The following MIR2052HG variants were observed in gnomAD, a reference collection of about 807,000 sequenced individuals.
MIR2052HG encodes the protein MIR2052 host gene.
At position 74,689,958 on chromosome 8, in the gene MIR2052HG, A is replaced by G. The variant is rs140789349; in HGVS notation, n.217-12421A>G. ...AAAGAGCCTTCACTATGGGCCAGAC[A>G]TGTAAGAACCAGAGATAGAAAACCC... On this transcript the variant is annotated intron_variant and non_coding_transcript_variant, in intron 2 of 6. Transcript: ENST00000523442. Among the ~76,000 whole-genome samples the G allele has an allele frequency of 4.6e-3, 697 of 152,312 alleles. 15 individuals are homozygous for G. The highest frequency in any genetic ancestry group is 0.032 in the Admixed American group (489 of 15,296).
At chr8:74,660,760 T>C (rs997148894) in intron 2 of MIR2052HG, among the ~76,000 whole-genome samples, 1 of 152,150 alleles carries the variant, frequency 6.6e-6, no homozygotes, top group African/African-American at 2.4e-5. Flanking sequence ...TAGTTTATTG[T>C]ATTATTTCAA....
At chr8:74,731,271 G>T (rs1037033952) in intron 4 of MIR2052HG, among the ~76,000 whole-genome samples, 2 of 152,150 alleles carry the variant, frequency 1.3e-5, no homozygotes, top group African/African-American at 4.8e-5. Context: ...CCAAGATATG[G>T]CACTATTACT....
chr8:74,733,313 T>G (rs540283774), intron 4 of MIR2052HG, among the ~76,000 whole-genome samples: 1 of 152,048 alleles, frequency 6.6e-6, no homozygotes, highest in Admixed American at 6.6e-5. Context: ...TTCCCACCTA[T>G]GAGTGAGTAT....
chr8:74,677,819 G>T (rs973330592), intron 2 of MIR2052HG, among the ~76,000 whole-genome samples: 5 of 151,928 alleles, frequency 3.3e-5, no homozygotes, highest in Admixed American at 3.3e-4. Flanking sequence ...AAGAATAATG[G>T]CTATAGTAAA....
intron 4 of MIR2052HG, among the ~76,000 whole-genome samples, chr8:74,708,614 T>A (rs1809434147): frequency 6.6e-6 from 1 of 152,110 alleles, no homozygotes; most frequent in South Asian, 2.1e-4. Context: ...GCATATTTCA[T>A]CATGAAGCTA....
chr8:74,692,242 C>T (rs905234758), intron 2 of MIR2052HG, among the ~76,000 whole-genome samples: 1 of 152,124 alleles, frequency 6.6e-6, no homozygotes, highest in Non-Finnish European at 1.5e-5. Flanking sequence ...AGGAGTGCAT[C>T]ACTGCACCTG....
At chr8:74,669,826 T>C (rs999816762) in intron 2 of MIR2052HG, among the ~76,000 whole-genome samples, 1 of 152,178 alleles carries the variant, frequency 6.6e-6, no homozygotes, top group African/African-American at 2.4e-5. Context: ...TAGAGCAACT[T>C]CTAAGCATCT....
intron 2 of MIR2052HG, among the ~76,000 whole-genome samples, chr8:74,654,832 A>G (rs1318308926): frequency 1.3e-5 from 2 of 152,190 alleles, no homozygotes; most frequent in Non-Finnish European, 2.9e-5. Flanking sequence ...GAGGTTGAAC[A>G]GTTTGGAGGG....
At chr8:74,605,873 A>G (rs1808103081) in intron 1 of MIR2052HG, among the ~76,000 whole-genome samples, 1 of 152,204 alleles carries the variant, frequency 6.6e-6, no homozygotes, top group Non-Finnish European at 1.5e-5. Flanking sequence ...GTATCAATGT[A>G]TTATTGTTGT....
At chr8:74,619,333 A>G (rs754902936) in intron 2 of MIR2052HG, among the ~76,000 whole-genome samples, 3 of 152,232 alleles carry the variant, frequency 2.0e-5, no homozygotes, top group Non-Finnish European at 2.9e-5. Flanking sequence ...CAAAAAGAAC[A>G]GAGCTGGAGG....
intron 4 of MIR2052HG, among the ~76,000 whole-genome samples, chr8:74,710,465 G>A (rs536871895): frequency 1.6e-4 from 24 of 152,124 alleles, no homozygotes; most frequent in Non-Finnish European, 3.1e-4. Context: ...TGGGTACCAC[G>A]TTTTTAAGTA....
At chr8:74,612,086 G>T (rs1033205074) in intron 1 of MIR2052HG, among the ~76,000 whole-genome samples, 11 of 152,196 alleles carry the variant, frequency 7.2e-5, no homozygotes, top group African/African-American at 2.7e-4. Flanking sequence ...CCTGCCTTGG[G>T]CTTTGTACCC....
intron 1 of MIR2052HG, among the ~76,000 whole-genome samples, chr8:74,608,225 G>T (rs1281044148): frequency 1.3e-5 from 2 of 150,802 alleles, no homozygotes; most frequent in Non-Finnish European, 2.9e-5. Context: ...ATAATTAGAT[G>T]AACTTGCCCT....
chr8:74,654,318 G>A (rs1452987531), intron 2 of MIR2052HG, among the ~76,000 whole-genome samples: 1 of 152,108 alleles, frequency 6.6e-6, no homozygotes, highest in Non-Finnish European at 1.5e-5. Flanking sequence ...ATTATGGAGG[G>A]AAGGAGGCAG....
intron 2 of MIR2052HG, among the ~76,000 whole-genome samples, chr8:74,623,619 TAC>T (rs1808397115): frequency 6.6e-6 from 1 of 152,246 alleles, no homozygotes; most frequent in Non-Finnish European, 1.5e-5. Context: ...TGGAGTCAGG[TAC>T]TAACATAAAA....
intron 2 of MIR2052HG, among the ~76,000 whole-genome samples, chr8:74,619,955 T>A (rs1808338151): frequency 6.6e-6 from 1 of 152,182 alleles, no homozygotes; most frequent in African/African-American, 2.4e-5. Context: ...CTTCTGCCTA[T>A]GAGCCTGTAA....
rs1014150551 is a variant in MIR2052HG, at chr8:74,607,473, G to T, written n.129-5380G>T. ...CTAAAAATACAAAAATTAGCCGGGC[G>T]TGGTGGTGGGTGCCTGTAATCCTAG... On this transcript the variant is annotated intron_variant and non_coding_transcript_variant, in intron 1 of 6. Coordinates refer to ENST00000523442, the Ensembl canonical transcript of MIR2052HG. Among the ~76,000 whole-genome samples the T allele has an allele frequency of 8.5e-5, 13 of 152,168 alleles. No homozygotes were observed. The South Asian group carries it at 1.9e-3, about 22-fold the overall frequency.
chr8:74,619,632 T>C (rs1808333641), intron 2 of MIR2052HG, among the ~76,000 whole-genome samples: 1 of 152,066 alleles, frequency 6.6e-6, no homozygotes, highest in South Asian at 2.1e-4. Context: ...GCCAGACACT[T>C]ATAAAACCAT....
At chr8:74,603,191 T>C (rs1299098145) in intron 1 of MIR2052HG, 1 of 942,204 alleles carries the variant, frequency 1.1e-6, no homozygotes, top group Non-Finnish European at 1.7e-6. Context: ...TTACAAACTA[T>C]TTAAAACCTG....
Sources: allele counts gnomAD v4.1 joint callset (sites outside exome capture counted in the v4.1 genomes callset), GRCh38; gene constraint gnomAD v4.1.1; transcripts MANE v1.5; gene names NCBI Gene and HGNC (gene_info 2026-07-23, HGNC 2026-07-21).